CFAP97: variants seen among roughly 807,000 people sequenced by gnomAD.
CFAP97 encodes the protein cilia and flagella associated protein 97.
In CFAP97, 36 loss-of-function variants were observed where a neutral mutation model predicts 43.1. That is an observed-to-expected ratio of 0.84 (90% CI 0.64 to 1.10). The LOEUF is 1.10. Among genes scored for constraint, CFAP97 ranks in the 50% least tolerant of loss-of-function variants. CFAP97 has a pLI of 0.00. For synonymous variants in CFAP97, 228 were observed against 225.7 expected (o/e 1.01, Z -0.09); for missense variants, 657 against 620.3 (o/e 1.06, Z -0.63).
Position 185,188,923 on chromosome 4 carries a change from A to G in CFAP97, c.1054+1220T>C, listed in dbSNP as rs114080516. ...AAAGGGAGAAAAATCAATAGGTACAATCAGAGAAAGGGGGAAAAAATACCT... is the reference window on the plus strand; with the variant it reads ...AAAGGGAGAAAAATCAATAGGTACAGTCAGAGAAAGGGGGAAAAAATACCT... On this transcript the variant is annotated intron_variant, in intron 2 of 4. Transcript: ENST00000458385. Among the ~76,000 whole-genome samples, 796 of 151,156 alleles carry G rather than the reference A, an allele frequency of 5.3e-3. 5 individuals carry two copies. Among genetic ancestry groups the G allele is most frequent in the African/African-American group, 0.018 (733 of 40,464 alleles).
At position 185,186,425 on chromosome 4, in the gene CFAP97, T is replaced by C. The variant is rs577028173; in HGVS notation, c.1054+3718A>G. Among the ~76,000 whole-genome samples the C allele has an allele frequency of 3.9e-5, 6 of 152,206 alleles. No individual in the cohort carries two copies. The South Asian group carries it at 8.3e-4, about 21-fold the overall frequency. ...TGCAGCCTGGGCAACAGAGTGAGACTCTGTCTCAAAAAACAACAACAACAG... is the reference window on the plus strand; with the variant it reads ...TGCAGCCTGGGCAACAGAGTGAGACCCTGTCTCAAAAAACAACAACAACAG... On this transcript the variant is annotated intron_variant, in intron 2 of 4. Coordinates refer to ENST00000458385, the MANE Select transcript of CFAP97 (RefSeq NM_020827.3).
At chr4:185,205,626 C>T (rs1295894010), upstream of CFAP97, among the ~76,000 whole-genome samples, 1 of 152,060 alleles carries the variant, frequency 6.6e-6, no homozygotes, top group East Asian at 1.9e-4. Context: ...GTCAGGAGTT[C>T]CAGACCAGCC....
chr4:185,163,976 A>T lies in CFAP97; in HGVS notation c.1471+53T>A, dbSNP rs953754698. The T allele has an allele frequency of 6.2e-5, 93 of 1,497,950 alleles. No homozygotes were observed. In the African/African-American group the frequency reaches 6.8e-4, roughly 11 times the overall value. The allele number at this position is 1,497,950 out of a possible 1,614,324, so 92.8% of individuals were successfully genotyped here. A position where few individuals can be genotyped will look rare whatever the true frequency, so the allele number is the denominator to read the frequency against. Reference sequence around the variant, plus strand: ...TCATAATAACATGTTACGTTTTTTTAAAAAAAGGATACAAGATACAAATAA... The same window carrying T: ...TCATAATAACATGTTACGTTTTTTTTAAAAAAGGATACAAGATACAAATAA... On this transcript the variant is annotated intron_variant, in intron 4 of 4. Coordinates refer to ENST00000458385, the MANE Select transcript of CFAP97 (RefSeq NM_020827.3).
rs1735306065 is a variant in CFAP97 at position 185,171,644 on chromosome 4, C to G, written c.1320+4142G>C. Reference sequence around the variant, plus strand: ...CAAGTATCTTTAACCACCTCTCCTTCTGCTAAGATTGTTCTTATGCTCATT... The same window carrying G: ...CAAGTATCTTTAACCACCTCTCCTTGTGCTAAGATTGTTCTTATGCTCATT... On this transcript the variant is annotated intron_variant, in intron 3 of 4. Coordinates refer to ENST00000458385, the MANE Select transcript of CFAP97 (RefSeq NM_020827.3). Among the ~76,000 whole-genome samples the G allele has an allele frequency of 3.9e-5, 6 of 152,236 alleles. No individual in the cohort carries two copies. In the South Asian group the frequency reaches 1.2e-3, roughly 32 times the overall value.
chr4:185,188,112 G>A (rs544714179), intron 2 of CFAP97, among the ~76,000 whole-genome samples: 63 of 152,062 alleles, frequency 4.1e-4, no homozygotes, highest in South Asian at 2.5e-3. Context: ...GGCCAGGATG[G>A]TTTTGATCTC....
In CFAP97 at chr4:185,161,370, T is replaced by G. The variant is rs1440581159; in HGVS notation, c.*1428A>C. 1 of 152,188 alleles carries G rather than the reference T, an allele frequency of 6.6e-6. No homozygotes were observed. The highest frequency in any genetic ancestry group is 1.5e-5 in the Non-Finnish European group (1 of 68,038). 9.4% of individuals were successfully genotyped at this position (152,188 alleles called of 1,614,324 possible). A position where few individuals can be genotyped will look rare whatever the true frequency, so the allele number is the denominator to read the frequency against. The stretch of plus-strand genomic sequence containing the variant: ...GTAAAATGCAGTAACACCTTACTGT[T>G]AAAGGTGCTAAGGAAAAAAGCATTC... On this transcript the variant is annotated 3_prime_UTR_variant, in exon 5 of 5. Coordinates refer to ENST00000458385, the MANE Select transcript of CFAP97 (RefSeq NM_020827.3).
At chr4:185,163,022 A>C in intron 4 of CFAP97, 97 bp from the exon 5 acceptor site, 1 of 1,085,898 alleles carries the variant, frequency 9.2e-7, no homozygotes, top group Non-Finnish European at 1.2e-6. Flanking sequence ...TAATAGTCTA[A>C]TGCTATGATT....
intron 2 of CFAP97, among the ~76,000 whole-genome samples, chr4:185,181,006 A>G (rs1055945902): frequency 1.3e-5 from 2 of 152,104 alleles, no homozygotes; most frequent in African/African-American, 4.8e-5. Context: ...TGAACATAAC[A>G]TTTTTATTTT....
intron 4 of CFAP97, among the ~76,000 whole-genome samples, chr4:185,163,172 C>A (rs1412302876): frequency 6.6e-6 from 1 of 152,066 alleles, no homozygotes; most frequent in Non-Finnish European, 1.5e-5. Flanking sequence ...TCAAATAATT[C>A]ACGTGAAAAA....
Position 185,190,305 on chromosome 4 carries a change from A to T in CFAP97, c.892T>A (p.Leu298Met). The T allele has an allele frequency of 6.2e-7, 1 of 1,607,024 alleles. No homozygotes were observed. Among genetic ancestry groups the T allele is most frequent in the Non-Finnish European group, 8.5e-7 (1 of 1,175,832 alleles). ...SQEIYEDVED[L>M]KNNSKYLKAA... ...TTCAAATATTTTGAATTATTTTTCA[A>T]ATCCTCAACATCTTCATATATTTCT... The change falls in exon 2 of 5, where the codon TTG becomes ATG. Residue 298 changes from leucine (L) to methionine (M), a missense_variant. Coordinates refer to ENST00000458385, the MANE Select transcript of CFAP97 (RefSeq NM_020827.3).
intron 2 of CFAP97, among the ~76,000 whole-genome samples, chr4:185,187,633 C>T (rs1164284444): frequency 6.6e-6 from 1 of 151,988 alleles, no homozygotes; most frequent in African/African-American, 2.4e-5. Flanking sequence ...GTCCTTACAA[C>T]AGGAGCGGCA....
At chr4:185,178,785 G>A (rs577148208) in intron 2 of CFAP97, among the ~76,000 whole-genome samples, 45 of 152,186 alleles carry the variant, frequency 3.0e-4, no homozygotes, top group Non-Finnish European at 6.0e-4. Flanking sequence ...CCTGGTGGCC[G>A]GCAGAGCTGC....
chr4:185,199,868 A>AC (rs1241073083), intron 1 of CFAP97, among the ~76,000 whole-genome samples: 7 of 122,068 alleles, frequency 5.7e-5, no homozygotes, highest in Non-Finnish European at 1.4e-4. Context: ...TTGACAATGT[A>AC]CCTGGTCACC....
intron 3 of CFAP97, among the ~76,000 whole-genome samples, chr4:185,167,998 C>CAA (rs1195340198): frequency 0.04 from 2,149 of 54,222 alleles, 83 homozygotes; most frequent in African/African-American, 0.11. Flanking sequence ...GACTCCTTCT[C>CAA]AAAAAAAAAA....
Position 185,190,155 on chromosome 4 carries a change from G to A in CFAP97, c.1042C>T (p.His348Tyr), listed in dbSNP as rs760206464. The part of the protein sequence containing the change: ...KVLHDTMDLN[H>Y]LLKAFLQLDK... ...AAAAGAAAATTACCTTTCAAGAGAT[G>A]ATTCAGATCCATTGTGTCATGTAAG... The change falls in exon 2 of 5, where the codon CAT becomes TAT. Residue 348 changes from histidine (H) to tyrosine (Y), a missense_variant. Coordinates refer to ENST00000458385, the MANE Select transcript of CFAP97 (RefSeq NM_020827.3). The A allele has an allele frequency of 1.2e-5, 19 of 1,555,186 alleles. No homozygotes were observed. In the South Asian group the frequency reaches 2.2e-4, roughly 18 times the overall value.
At chr4:185,178,784 C>T (rs554079696) in intron 2 of CFAP97, among the ~76,000 whole-genome samples, 21 of 152,080 alleles carry the variant, frequency 1.4e-4, no homozygotes, top group Admixed American at 5.9e-4. Flanking sequence ...ACCTGGTGGC[C>T]GGCAGAGCTG....
At chr4:185,165,408 T>C (rs1377994813) in intron 3 of CFAP97, among the ~76,000 whole-genome samples, 4 of 152,238 alleles carry the variant, frequency 2.6e-5, no homozygotes, top group Admixed American at 2.0e-4. Flanking sequence ...TCATGCAGAA[T>C]GTTATAAATT....
At chr4:185,207,257 C>T (rs1005348305), upstream of CFAP97, among the ~76,000 whole-genome samples, 2 of 138,914 alleles carry the variant, frequency 1.4e-5, no homozygotes, top group Non-Finnish European at 3.0e-5. Context: ...CTCGCTGTCG[C>T]CCAGGCTGGA....
chr4:185,161,608 A>G lies in CFAP97; in HGVS notation c.*1190T>C, dbSNP rs906030301. 9 of 152,242 alleles carry G rather than the reference A, an allele frequency of 5.9e-5. No individual in the cohort carries two copies. The highest frequency in any genetic ancestry group is 1.7e-4 in the African/African-American group (7 of 41,460). 9.4% of individuals were successfully genotyped at this position (152,242 alleles called of 1,614,324 possible). ...AAAGCCTAAGTTTCATAGAAAAAAA[A>G]TTCTAATTTGAAAAGTCAACAACAT... On this transcript the variant is annotated 3_prime_UTR_variant, in exon 5 of 5. Transcript: ENST00000458385.
Sources: gnomAD v4.1 joint callset for allele counts (sites outside exome capture counted in the v4.1 genomes callset) on GRCh38, gnomAD v4.1.1 for gene constraint, MANE v1.5 for transcripts, NCBI Gene and HGNC (gene_info 2026-07-23, HGNC 2026-07-21) for gene names.